CLEC18B: variants seen among roughly 807,000 people sequenced by gnomAD.
CLEC18B encodes the protein mannose receptor-like 2.
In CLEC18B, 5 loss-of-function variants were observed where a neutral mutation model predicts 60.4. That is an observed-to-expected ratio of 0.08 (90% confidence interval 0.04 to 0.17). The LOEUF (loss-of-function observed/expected upper bound fraction) is 0.17. CLEC18B is among the 10% of genes least tolerant of loss of function. The pLI, the probability that CLEC18B is intolerant of heterozygous loss-of-function variation, is 1.00. For synonymous variants in CLEC18B, 16 were observed against 221.2 expected (o/e 0.07, Z 8.23); for missense variants, 26 against 572.8 (o/e 0.05, Z 9.74).
chr16:74,424,061 A>G (rs2013760884), upstream of CLEC18B, among the ~76,000 whole-genome samples: 1 of 152,234 alleles, frequency 6.6e-6, no homozygotes, highest in Non-Finnish European at 1.5e-5. Flanking sequence ...TCCACCACCC[A>G]GACTGTAGGA....
At chr16:74,413,849 C>CTTAT (rs3863433) in intron 3 of CLEC18B, among the ~76,000 whole-genome samples, 173 bp from the exon 4 acceptor site, 10,662 of 146,354 alleles carry the variant, frequency 0.073, 5 homozygotes, top group South Asian at 0.1. Context: ...TTCAGGAAGG[C>CTTAT]TTATTTATTT....
At chr16:74,414,221 T>C (rs544224320) in intron 3 of CLEC18B, among the ~76,000 whole-genome samples, 8 of 152,282 alleles carry the variant, frequency 5.3e-5, no homozygotes, top group African/African-American at 1.9e-4. Context: ...GGGAGGTACC[T>C]GAAATGAGGG....
chr16:74,412,976 G>C, intron 5 of CLEC18B, 61 bp downstream of exon 5: 1 of 1,612,132 alleles, frequency 6.2e-7, no homozygotes, highest in Non-Finnish European at 8.5e-7. Flanking sequence ...TTCTGGGACA[G>C]CCCAGTAGGA....
upstream of CLEC18B, among the ~76,000 whole-genome samples, chr16:74,424,008 T>C (rs1324318282): frequency 6.6e-6 from 1 of 152,242 alleles, no homozygotes; most frequent in African/African-American, 2.4e-5. Flanking sequence ...GCCTCATTCT[T>C]GCAAGGCAGC....
intron 10 of CLEC18B, among the ~76,000 whole-genome samples, 196 bp downstream of exon 10, chr16:74,410,340 C>T (rs796354640): frequency 0.11 from 15,068 of 142,120 alleles, 48 homozygotes; most frequent in Admixed American, 0.16. Context: ...CCCCACGTGA[C>T]GTGCCTTCCG....
chr16:74,422,552 A>C (rs528175037), upstream of CLEC18B: 239 of 150,280 alleles, frequency 1.6e-3, no homozygotes, highest in African/African-American at 5.5e-3. Context: ...CTGGAACTGC[A>C]TGTCCCCCAC....
At chr16:74,410,236 G>C (rs557098762) in intron 10 of CLEC18B, among the ~76,000 whole-genome samples, 2 of 152,426 alleles carry the variant, frequency 1.3e-5, no homozygotes, top group East Asian at 3.8e-4. Flanking sequence ...CATGCAGAGG[G>C]AGGGGTGAGT....
In CLEC18B at chr16:74,416,240, G is replaced by A. The variant is rs1160843587; in HGVS notation, c.456+1819C>T. Among the ~76,000 whole-genome samples, 6 of 142,830 alleles carry A rather than the reference G, an allele frequency of 4.2e-5. 1 individual carries two copies. Among genetic ancestry groups the A allele is most frequent in the East Asian group, 2.5e-4 (1 of 4,080 alleles). 93.7% of individuals were successfully genotyped at this position (142,830 alleles called of 152,430 possible). The stretch of plus-strand genomic sequence containing the variant: ...ATCGCACCACTGCACAGCAGCCTGC[G>A]CGACAGAGCGAGACTCCGTCTCAAA... On this transcript the variant is annotated intron_variant, in intron 3 of 11. Coordinates refer to ENST00000682950, the MANE Select transcript of CLEC18B (RefSeq NM_001385193.1).
chr16:74,416,087 T>C (rs1240540521), intron 3 of CLEC18B, among the ~76,000 whole-genome samples: 1 of 151,754 alleles, frequency 6.6e-6, no homozygotes, highest in South Asian at 2.1e-4. Context: ...GGTGAAACCC[T>C]GTCTCTACTA....
At chr16:74,415,560 T>C (rs145795251) in intron 3 of CLEC18B, among the ~76,000 whole-genome samples, 130 of 152,108 alleles carry the variant, frequency 8.5e-4, no homozygotes, top group Middle Eastern at 3.4e-3. Context: ...TAAATGTATA[T>C]AGTAGAAACA....
chr16:74,422,281 C>A (rs1322182282), upstream of CLEC18B: 1 of 153,226 alleles, frequency 6.5e-6, no homozygotes, highest in Non-Finnish European at 1.5e-5. Flanking sequence ...GCCTAATGCC[C>A]ACGTTCCTCT....
upstream of CLEC18B, chr16:74,422,544 G>A (rs2013726182): frequency 6.7e-6 from 1 of 150,330 alleles, no homozygotes; most frequent in African/African-American, 2.5e-5. Context: ...AAGGCGGTCT[G>A]GAACTGCATG....
intron 2 of CLEC18B, among the ~76,000 whole-genome samples, chr16:74,418,703 C>A (rs1206398401): frequency 2.6e-3 from 394 of 152,208 alleles, no homozygotes; most frequent in Non-Finnish European, 2.1e-3. Flanking sequence ...TGCAAAAAGC[C>A]CTACAGCCAC....
At chr16:74,422,030 G>T (rs1351774204), upstream of CLEC18B, 4 of 146,404 alleles carry the variant, frequency 2.7e-5, no homozygotes, top group Non-Finnish European at 4.5e-5. Context: ...GCCAGGGGGG[G>T]AGTGAGGCAG....
upstream of CLEC18B, among the ~76,000 whole-genome samples, chr16:74,423,323 C>T (rs1320432074): frequency 2.6e-5 from 4 of 151,630 alleles, no homozygotes; most frequent in South Asian, 2.1e-4. Context: ...TTGGGACAGG[C>T]GGGAGAAAAA....
chr16:74,422,670 G>GTACTTT (rs2013729528), upstream of CLEC18B, among the ~76,000 whole-genome samples: 1 of 147,134 alleles, frequency 6.8e-6, no homozygotes, highest in East Asian at 2.1e-4. Flanking sequence ...GTTTTTTGAT[G>GTACTTT]TATTTTTATT....
At chr16:74,424,163 C>T (rs1445562509), upstream of CLEC18B, among the ~76,000 whole-genome samples, 4 of 151,134 alleles carry the variant, frequency 2.6e-5, no homozygotes, top group African/African-American at 9.7e-5. Flanking sequence ...TTCTCCCAGT[C>T]TGCATTTGAA....
intron 2 of CLEC18B, among the ~76,000 whole-genome samples, chr16:74,419,937 C>T (rs529359943): frequency 2.0e-5 from 3 of 152,166 alleles, no homozygotes; most frequent in Non-Finnish European, 4.4e-5. Flanking sequence ...GTCCCAACCC[C>T]GCAGCCCCAG....
chr16:74,419,017 A>G (rs2013552917), intron 2 of CLEC18B, among the ~76,000 whole-genome samples: 2 of 152,144 alleles, frequency 1.3e-5, no homozygotes, highest in Admixed American at 1.3e-4. Context: ...CTGGTGTCAA[A>G]CTGCTGACCT....
Sources: allele counts gnomAD v4.1 joint callset (sites outside exome capture counted in the v4.1 genomes callset), GRCh38; gene constraint gnomAD v4.1.1; transcripts MANE v1.5; gene names NCBI Gene and HGNC (gene_info 2026-07-23, HGNC 2026-07-21).